The following SCHIP1 variants were observed in gnomAD, a reference collection of about 807,000 sequenced individuals.
SCHIP1 encodes the protein schwannomin interacting protein 1.
Under a neutral mutation model 29.7 loss-of-function variants are expected in SCHIP1, and 8 were observed. That is an observed-to-expected ratio of 0.27 (90% confidence interval 0.16 to 0.49). SCHIP1 has a LOEUF of 0.49. Among genes scored for constraint, SCHIP1 ranks in the 20% least tolerant of loss-of-function variants. The pLI is 0.99. For missense variants in SCHIP1, 193 were observed against 294.6 expected, an observed-to-expected ratio of 0.66 and a Z score of 2.52; for synonymous variants, 76 against 94.9, an observed-to-expected ratio of 0.80 and a Z score of 1.16.
chr3:159,866,392 G>T (rs757893691), intron 2 of SCHIP1, 111 bp downstream of exon 3: 1 of 924,180 alleles, frequency 1.1e-6, no homozygotes, highest in Non-Finnish European at 1.6e-6. Context: ...TTTCCCCCTC[G>T]CATAATACTG....
the SCHIP1 span, among the ~76,000 whole-genome samples, chr3:159,395,655 T>C: frequency 4.6e-5 from 7 of 152,212 alleles, no homozygotes; most frequent in Non-Finnish European, 1.0e-4. Flanking sequence ...AATCCTGCAT[T>C]CTAGTTTGAT....
At chr3:159,372,038 G>A in the SCHIP1 span, among the ~76,000 whole-genome samples, 7,433 of 152,110 alleles carry the variant, frequency 0.049, 630 homozygotes, top group African/African-American at 0.17. Flanking sequence ...ACAATAATAT[G>A]CATTTGAATT....
intron 1 of SCHIP1, among the ~76,000 whole-genome samples, chr3:159,850,638 G>A (rs1413740355): frequency 6.6e-6 from 1 of 152,018 alleles, no homozygotes; most frequent in Admixed American, 6.6e-5. Flanking sequence ...TGGCAGTACA[G>A]GAAGCATGGT....
At chr3:159,866,394 A>G (rs1475751198) in intron 2 of SCHIP1, 113 bp downstream of exon 3, 25 of 932,482 alleles carry the variant, frequency 2.7e-5, no homozygotes, top group East Asian at 5.1e-5. Flanking sequence ...TCCCCCTCGC[A>G]TAATACTGCC....
chr3:159,720,027 TAC>T, the SCHIP1 span, among the ~76,000 whole-genome samples: 12 of 152,246 alleles, frequency 7.9e-5, no homozygotes, highest in Non-Finnish European at 1.5e-4. Context: ...GTGGCACATA[TAC>T]ACCATGGAAT....
At chr3:159,416,279 A>G in the SCHIP1 span, among the ~76,000 whole-genome samples, 24,868 of 152,110 alleles carry the variant, frequency 0.16, 2,389 homozygotes, top group South Asian at 0.37. Context: ...CTGACTACGC[A>G]TCTTAGGTCC....
the SCHIP1 span, among the ~76,000 whole-genome samples, chr3:159,503,403 C>T: frequency 6.6e-6 from 1 of 152,192 alleles, no homozygotes; most frequent in African/African-American, 2.4e-5. Flanking sequence ...ATAATACAGA[C>T]TTCAAGCAGT....
At chr3:159,290,740 C>T in the SCHIP1 span, among the ~76,000 whole-genome samples, 3 of 152,068 alleles carry the variant, frequency 2.0e-5, no homozygotes, top group Admixed American at 2.0e-4. Context: ...TTAAACTTTA[C>T]TCAATAGTGA....
chr3:159,683,687 G>T, the SCHIP1 span, among the ~76,000 whole-genome samples: 729 of 152,278 alleles, frequency 4.8e-3, 7 homozygotes, highest in Middle Eastern at 0.024. Context: ...CAGAGCTTTG[G>T]AGTTTCCATA....
At chr3:159,395,493 G>A in the SCHIP1 span, among the ~76,000 whole-genome samples, 35 of 150,708 alleles carry the variant, frequency 2.3e-4, no homozygotes, top group Non-Finnish European at 4.1e-4. Flanking sequence ...TGCTTTGAAT[G>A]TGTCCCAGAG....
the SCHIP1 span, among the ~76,000 whole-genome samples, chr3:159,700,045 A>G: frequency 1.2e-3 from 190 of 152,352 alleles, no homozygotes; most frequent in African/African-American, 4.5e-3. Context: ...GACCTCAGAG[A>G]TAACCATACC....
chr3:159,407,195 T>G, the SCHIP1 span, among the ~76,000 whole-genome samples: 1 of 152,040 alleles, frequency 6.6e-6, no homozygotes, highest in East Asian at 1.9e-4. Flanking sequence ...AATGAAAAAA[T>G]ATGTTCTATG....
At chr3:159,855,669 T>G (rs1357723420) in intron 1 of SCHIP1, among the ~76,000 whole-genome samples, 1 of 152,170 alleles carries the variant, frequency 6.6e-6, no homozygotes, top group Non-Finnish European at 1.5e-5. Context: ...TGTAATTTTT[T>G]TTTTATCTCC....
the SCHIP1 span, among the ~76,000 whole-genome samples, chr3:159,380,254 A>T: frequency 6.6e-6 from 1 of 152,178 alleles, no homozygotes; most frequent in Non-Finnish European, 1.5e-5. Context: ...ATCGATGGGC[A>T]TTGGGTTGTA....
the SCHIP1 span, among the ~76,000 whole-genome samples, chr3:159,377,094 A>G: frequency 5.3e-5 from 8 of 152,186 alleles, no homozygotes; most frequent in Non-Finnish European, 1.0e-4. Flanking sequence ...TGAACTAAAA[A>G]GTAGTCTTGA....
the SCHIP1 span, among the ~76,000 whole-genome samples, chr3:159,680,902 C>T: frequency 6.7e-6 from 1 of 149,596 alleles, no homozygotes; most frequent in Non-Finnish European, 1.5e-5. Context: ...AATTTTTAAA[C>T]TTTTATTTTG....
At chr3:159,640,336 T>C in the SCHIP1 span, among the ~76,000 whole-genome samples, 1,202 of 152,278 alleles carry the variant, frequency 7.9e-3, 13 homozygotes, top group African/African-American at 0.028. Flanking sequence ...CTGTGTATGA[T>C]AGATCTGCAA....
the SCHIP1 span, among the ~76,000 whole-genome samples, chr3:159,322,673 T>C: frequency 6.6e-6 from 1 of 152,198 alleles, no homozygotes; most frequent in Non-Finnish European, 1.5e-5. Flanking sequence ...GTTGCCTTCT[T>C]CACTAGGCAC....
At chr3:159,544,353 T>A in the SCHIP1 span, among the ~76,000 whole-genome samples, 3 of 152,052 alleles carry the variant, frequency 2.0e-5, no homozygotes, top group Non-Finnish European at 2.9e-5. Context: ...AGAGCATTCT[T>A]ACACATATTG....
Sources: gnomAD v4.1 joint callset for allele counts (sites outside exome capture counted in the v4.1 genomes callset) on GRCh38, gnomAD v4.1.1 for gene constraint, MANE v1.5 for transcripts, NCBI Gene and HGNC (gene_info 2026-07-23, HGNC 2026-07-21) for gene names.